Variants in ABLIM1 observed in about 807,000 individuals in gnomAD.
The protein encoded by ABLIM1 is actin binding LIM protein 1, also known as actin-binding LIM protein 1.
Under a neutral mutation model 107.0 loss-of-function variants are expected in ABLIM1, and 40 were observed. The ratio of observed to expected loss-of-function variants is 0.37; its 90% CI spans 0.29 to 0.49. The LOEUF (loss-of-function observed/expected upper bound fraction) is 0.49, where lower values mean the gene tolerates loss of function less well. Among genes scored for constraint, ABLIM1 ranks in the 20% least tolerant of loss-of-function variants. The probability of loss-of-function intolerance (pLI) is 0.97; values close to 1 mark genes in which losing one functional copy is unlikely to be tolerated. For synonymous variants in ABLIM1, 357 were observed against 357.3 expected (o/e 1.00, Z 0.01); for missense variants, 857 against 1,008.5 (o/e 0.85, Z 2.04).
chr10:114,606,625 C>T (rs2076434099), intron 1 of ABLIM1, among the ~76,000 whole-genome samples: 1 of 152,212 alleles, frequency 6.6e-6, no homozygotes, highest in Admixed American at 6.5e-5. Context: ...AAGCCCCCTT[C>T]CTTCCCCACT....
At chr10:114,521,255 T>A (rs148293055) in intron 6 of ABLIM1, among the ~76,000 whole-genome samples, 271 of 152,316 alleles carry the variant, frequency 1.8e-3, no homozygotes, top group African/African-American at 5.7e-3. Context: ...CTGTATTCAA[T>A]TCCTGGCCCT....
intron 1 of ABLIM1, among the ~76,000 whole-genome samples, chr10:114,691,720 G>T (rs1476926150): frequency 6.6e-6 from 1 of 152,128 alleles, no homozygotes; most frequent in African/African-American, 2.4e-5. Flanking sequence ...AAATCATAAT[G>T]ACTTACTTTA....
intron 1 of ABLIM1, among the ~76,000 whole-genome samples, chr10:114,719,048 A>G (rs116555631): frequency 0.04 from 6,061 of 152,284 alleles, 173 homozygotes; most frequent in African/African-American, 0.063. Flanking sequence ...ATAATGACCA[A>G]CCGTCATAGG....
At chr10:114,781,648 G>A in the ABLIM1 span, among the ~76,000 whole-genome samples, 20 of 125,370 alleles carry the variant, frequency 1.6e-4, no homozygotes, top group African/African-American at 3.0e-4. Context: ...GTGTGTGTGT[G>A]TATATATATA....
At chr10:114,463,191 G>C in intron 12 of ABLIM1, 1 of 1,239,814 alleles carries the variant, frequency 8.1e-7, no homozygotes, top group Non-Finnish European at 1.0e-6. Flanking sequence ...CAGGGGCAGG[G>C]CACGGTGGAA....
chr10:114,601,270 T>C (rs1591517384), intron 2 of ABLIM1, among the ~76,000 whole-genome samples: 1 of 151,718 alleles, frequency 6.6e-6, no homozygotes. Context: ...TCTTTCTTTT[T>C]TTTTTTTTTT....
Position 114,468,262 on chromosome 10 carries a change from T to C in ABLIM1, c.1276-46A>G, listed in dbSNP as rs2133752672. The C allele has an allele frequency of 6.3e-6, 10 of 1,578,012 alleles. No individual in the cohort carries two copies. In the East Asian group the frequency reaches 2.2e-4, roughly 35 times the overall value. ...TTAAAGTCACAATGTTTGTTAACTC[T>C]TTGCCGTTTTGTTTGTTTGTTTGTT... On this transcript the variant is annotated intron_variant, in intron 10 of 22. Transcript: ENST00000533213.
chr10:114,618,815 A>G (rs1213912205), intron 1 of ABLIM1, among the ~76,000 whole-genome samples: 1 of 152,208 alleles, frequency 6.6e-6, no homozygotes, highest in African/African-American at 2.4e-5. Context: ...CATGTTTAGT[A>G]GTTGGCATCT....
At chr10:114,664,340 G>A (rs1218820810) in intron 1 of ABLIM1, among the ~76,000 whole-genome samples, 1 of 152,142 alleles carries the variant, frequency 6.6e-6, no homozygotes, top group South Asian at 2.1e-4. Flanking sequence ...TAATGTAGGG[G>A]CCCACAAACA....
At chr10:114,563,221 GGT>G (rs2070047440) in intron 4 of ABLIM1, among the ~76,000 whole-genome samples, 1 of 152,152 alleles carries the variant, frequency 6.6e-6, no homozygotes, top group African/African-American at 2.4e-5. Flanking sequence ...TGGGATTTCG[GGT>G]GATCTTTATC....
chr10:114,734,315 T>C (rs1288994122), intron 1 of ABLIM1, among the ~76,000 whole-genome samples: 1 of 152,190 alleles, frequency 6.6e-6, no homozygotes, highest in African/African-American at 2.4e-5. Context: ...GGCACTCCCT[T>C]GCTCAAAACC....
chr10:114,453,798 T>C (rs2062306153), intron 12 of ABLIM1, among the ~76,000 whole-genome samples: 1 of 152,056 alleles, frequency 6.6e-6, no homozygotes. Context: ...TTGGGAGCGA[T>C]GGAAAGCTGC....
chr10:114,614,578 C>T (rs114683990), intron 1 of ABLIM1, among the ~76,000 whole-genome samples: 3,209 of 152,248 alleles, frequency 0.021, 120 homozygotes, highest in African/African-American at 0.067. Flanking sequence ...AACGAGATGC[C>T]ATCAGATCAA....
intron 6 of ABLIM1, among the ~76,000 whole-genome samples, chr10:114,517,329 A>G (rs1423577621): frequency 2.6e-5 from 4 of 152,162 alleles, no homozygotes; most frequent in African/African-American, 7.2e-5. Flanking sequence ...AGCTGGACCC[A>G]CATGAAGATG....
chr10:114,732,167 T>TTTC (rs2082087396), intron 1 of ABLIM1, among the ~76,000 whole-genome samples: 1 of 147,828 alleles, frequency 6.8e-6, no homozygotes, highest in South Asian at 2.1e-4. Context: ...GCATTTTTCT[T>TTTC]TTCTTTTCTT....
chr10:114,631,881 G>A (rs764028726), intron 1 of ABLIM1: 4 of 1,303,812 alleles, frequency 3.1e-6, no homozygotes, highest in Non-Finnish European at 4.0e-6. Flanking sequence ...ACCATGCACA[G>A]TGATCGATAT....
intron 1 of ABLIM1, among the ~76,000 whole-genome samples, chr10:114,697,166 GAAA>G (rs577895502): frequency 7.1e-4 from 108 of 152,256 alleles, no homozygotes; most frequent in African/African-American, 1.5e-3. Flanking sequence ...TGGGATCAGA[GAAA>G]AACAATTCTC....
At chr10:114,634,123 A>ATTTTTATTTTTTT (rs1209219359) in intron 1 of ABLIM1, among the ~76,000 whole-genome samples, 1 of 68,224 alleles carries the variant, frequency 1.5e-5, no homozygotes, top group Non-Finnish European at 3.1e-5. Context: ...CATTAGCTCA[A>ATTTTTATTTTTTT]TTTTTCTTTT....
intron 2 of ABLIM1, among the ~76,000 whole-genome samples, chr10:114,576,185 G>A (rs558404050): frequency 7.2e-5 from 11 of 152,178 alleles, no homozygotes; most frequent in Non-Finnish European, 1.6e-4. Context: ...AAAGAGGAAA[G>A]ACCTGTTATT....
Sources: allele counts gnomAD v4.1 joint callset (sites outside exome capture counted in the v4.1 genomes callset), GRCh38; gene constraint gnomAD v4.1.1; transcripts MANE v1.5; gene names NCBI Gene and HGNC (gene_info 2026-07-23, HGNC 2026-07-21).